The following CPQ variants were observed in gnomAD, a reference collection of about 807,000 sequenced individuals.
The protein encoded by CPQ is carboxypeptidase Q.
Under a neutral mutation model 45.7 loss-of-function variants are expected in CPQ, and 37 were observed. The ratio of observed to expected loss-of-function variants is 0.81; its 90% CI spans 0.62 to 1.07. The LOEUF (loss-of-function observed/expected upper bound fraction) is 1.07. Ranked by LOEUF, CPQ falls within the 50% of genes least tolerant of loss-of-function variation. The pLI is 0.00. For synonymous variants in CPQ, 186 were observed against 205.8 expected, an observed-to-expected ratio of 0.90 and a Z score of 0.82; for missense variants, 537 against 572.9, an observed-to-expected ratio of 0.94 and a Z score of 0.64.
chr8:96,813,548 G>A (rs1305229178), intron 2 of CPQ, among the ~76,000 whole-genome samples: 2 of 152,268 alleles, frequency 1.3e-5, no homozygotes, highest in African/African-American at 4.8e-5. Flanking sequence ...AATCCCAAAA[G>A]ACAGGTAGGA....
chr8:97,074,499 C>G (rs1465979663), intron 7 of CPQ, among the ~76,000 whole-genome samples: 2 of 152,076 alleles, frequency 1.3e-5, no homozygotes, highest in East Asian at 3.9e-4. Context: ...AGGCCAGGCA[C>G]GGTGGCCCAC....
intron 1 of CPQ, among the ~76,000 whole-genome samples, chr8:96,780,426 T>C (rs1439508415): frequency 6.6e-6 from 1 of 152,176 alleles, no homozygotes; most frequent in African/African-American, 2.4e-5. Context: ...CCTGTGCGTT[T>C]GAAGAACAGC....
In CPQ at chr8:96,763,626, T is replaced by C. The variant is rs539444441; in HGVS notation, c.-34-21238T>C. 1.1e-3 allele frequency among the ~76,000 whole-genome samples: 167 copies of C among 152,074 alleles called. 2 individuals carry two copies. The highest frequency in any genetic ancestry group is 3.8e-3 in the African/African-American group (159 of 41,486). On this transcript the variant is annotated intron_variant, in intron 1 of 7. Transcript: ENST00000220763. Reference sequence around the variant, plus strand: ...ATATATATATATACACATACACATCTGCAAAAAGTAGAGCTGATATGGGAC... The same window carrying C: ...ATATATATATATACACATACACATCCGCAAAAAGTAGAGCTGATATGGGAC...
intron 7 of CPQ, among the ~76,000 whole-genome samples, chr8:97,069,479 A>G (rs1050289446): frequency 1.3e-5 from 2 of 151,766 alleles, no homozygotes; most frequent in Admixed American, 6.6e-5. Context: ...CTAAAAAAAA[A>G]AAAAAAAGAA....
intron 1 of CPQ, among the ~76,000 whole-genome samples, chr8:96,701,390 A>G (rs908053425): frequency 2.6e-5 from 4 of 152,216 alleles, no homozygotes; most frequent in African/African-American, 9.6e-5. Context: ...TGGTAAATCA[A>G]GGACTAATGG....
chr8:96,883,486 G>A (rs956889426), intron 4 of CPQ, among the ~76,000 whole-genome samples: 2 of 152,100 alleles, frequency 1.3e-5, no homozygotes, highest in South Asian at 2.1e-4. Flanking sequence ...GATGTAAAAG[G>A]TAGAAGTTTA....
chr8:96,820,392 A>G (rs1811284346), intron 2 of CPQ, among the ~76,000 whole-genome samples: 1 of 152,064 alleles, frequency 6.6e-6, no homozygotes, highest in Non-Finnish European at 1.5e-5. Flanking sequence ...TATATAATTT[A>G]CCATCTTTAT....
intron 6 of CPQ, among the ~76,000 whole-genome samples, chr8:97,034,891 A>ATT (rs111486679): frequency 1.5e-4 from 18 of 123,010 alleles, no homozygotes; most frequent in Non-Finnish European, 2.1e-4. Context: ...GTCCCTTTCT[A>ATT]TTTTTTTTTT....
At chr8:97,077,860 T>C (rs950341427) in intron 7 of CPQ, among the ~76,000 whole-genome samples, 1 of 152,204 alleles carries the variant, frequency 6.6e-6, no homozygotes, top group African/African-American at 2.4e-5. Context: ...AGTCTAATCA[T>C]GTAATTCCTT....
At chr8:96,660,313 A>G (rs1269165844) in intron 1 of CPQ, among the ~76,000 whole-genome samples, 1 of 152,054 alleles carries the variant, frequency 6.6e-6, no homozygotes, top group Non-Finnish European at 1.5e-5. Context: ...CGCTCTGTGT[A>G]TTCCAGTTTC....
At chr8:96,798,846 G>A (rs1299854950) in intron 2 of CPQ, among the ~76,000 whole-genome samples, 1 of 151,952 alleles carries the variant, frequency 6.6e-6, no homozygotes, top group Non-Finnish European at 1.5e-5. Flanking sequence ...TATCTCCTCT[G>A]AAAAACTGAC....
chr8:96,917,027 C>T (rs533619479), intron 4 of CPQ, among the ~76,000 whole-genome samples: 1 of 151,972 alleles, frequency 6.6e-6, no homozygotes, highest in East Asian at 1.9e-4. Flanking sequence ...GGTTCTCTTT[C>T]TTTTTTTTCC....
At chr8:96,860,173 G>A (rs919175438) in intron 3 of CPQ, among the ~76,000 whole-genome samples, 2 of 152,046 alleles carry the variant, frequency 1.3e-5, no homozygotes, top group African/African-American at 4.8e-5. Context: ...GCTCTCCTGT[G>A]GGTACATTTA....
intron 4 of CPQ, among the ~76,000 whole-genome samples, chr8:96,959,119 C>T (rs1031184333): frequency 6.6e-6 from 1 of 152,130 alleles, no homozygotes; most frequent in Admixed American, 6.6e-5. Flanking sequence ...TCAGCAACCA[C>T]CCTCTGAAAG....
intron 7 of CPQ, among the ~76,000 whole-genome samples, chr8:97,101,930 C>G (rs1586542105): frequency 6.7e-6 from 1 of 149,686 alleles, no homozygotes; most frequent in Admixed American, 6.6e-5. Flanking sequence ...CTCTCTCTCT[C>G]TCTCTCTCTC....
In CPQ at chr8:97,080,796, T is replaced by C. The variant is rs142850856; in HGVS notation, c.1255+14586T>C. Among the ~76,000 whole-genome samples, 734 of 152,278 alleles carry C rather than the reference T, an allele frequency of 4.8e-3. 4 individuals carry two copies. Among genetic ancestry groups the C allele is most frequent in the Non-Finnish European group, 6.8e-3 (461 of 68,012 alleles). ...TCCAGTTCATAATCTATAAATCAAA[T>C]ATGGTCGAGCTCTGTGAAATCTATT... On this transcript the variant is annotated intron_variant, in intron 7 of 7. Coordinates refer to ENST00000220763, the MANE Select transcript of CPQ (RefSeq NM_016134.4).
intron 4 of CPQ, among the ~76,000 whole-genome samples, chr8:96,883,434 G>T (rs1367899466): frequency 6.6e-6 from 1 of 152,136 alleles, no homozygotes; most frequent in Non-Finnish European, 1.5e-5. Flanking sequence ...TTAGGATGTT[G>T]CCTAGAATTC....
chr8:97,001,574 T>C (rs1164152878), intron 5 of CPQ, among the ~76,000 whole-genome samples: 1 of 152,158 alleles, frequency 6.6e-6, no homozygotes, highest in Non-Finnish European at 1.5e-5. Context: ...TGAACCAAAC[T>C]TGCATCTTGG....
At chr8:96,803,327 A>C (rs906567831) in intron 2 of CPQ, among the ~76,000 whole-genome samples, 5 of 152,222 alleles carry the variant, frequency 3.3e-5, no homozygotes, top group African/African-American at 1.2e-4. Context: ...CACCAATTCA[A>C]ATGCTGGATG....
Sources: allele counts gnomAD v4.1 joint callset (sites outside exome capture counted in the v4.1 genomes callset), GRCh38; gene constraint gnomAD v4.1.1; transcripts MANE v1.5; gene names NCBI Gene and HGNC (gene_info 2026-07-23, HGNC 2026-07-21).